Variants in YJU2B observed in about 807,000 individuals in gnomAD.
YJU2B encodes the protein YJU2 splicing factor homolog B.
In YJU2B, 18 loss-of-function variants were observed where a neutral mutation model predicts 38.0. The ratio of observed to expected loss-of-function variants is 0.47; its 90% CI spans 0.33 to 0.70. The LOEUF (loss-of-function observed/expected upper bound fraction) is 0.70. YJU2B is among the 30% of genes least tolerant of loss of function. The pLI, the probability that YJU2B is intolerant of heterozygous loss-of-function variation, is 0.02. For missense variants in YJU2B, 538 were observed against 556.3 expected, an observed-to-expected ratio of 0.97 and a Z score of 0.33; for synonymous variants, 246 against 225.4, an observed-to-expected ratio of 1.09 and a Z score of -0.82.
At chr19:13,750,349 C>G (rs767256975) in intron 1 of YJU2B, among the ~76,000 whole-genome samples, 8 of 152,110 alleles carry the variant, frequency 5.3e-5, no homozygotes, top group Non-Finnish European at 1.0e-4. Flanking sequence ...GCCTCAGTTT[C>G]CCGAGTAGCT....
intron 2 of YJU2B, among the ~76,000 whole-genome samples, chr19:13,740,201 T>TA (rs1229408974): frequency 6.6e-6 from 1 of 152,112 alleles, no homozygotes; most frequent in African/African-American, 2.4e-5. Flanking sequence ...CAAACTAACA[T>TA]AAGTTAGAAA....
intron 6 of YJU2B, 120 bp from the exon 7 acceptor site, chr19:13,758,748 G>A: frequency 8.3e-7 from 1 of 1,206,456 alleles, no homozygotes. Context: ...GGCACACAGT[G>A]GGTGCTCAGT....
intron 1 of YJU2B, among the ~76,000 whole-genome samples, chr19:13,749,113 C>G (rs1026312893): frequency 6.6e-6 from 1 of 152,232 alleles, no homozygotes; most frequent in Non-Finnish European, 1.5e-5. Flanking sequence ...AAGCGATTCT[C>G]CTGCCTCAGC....
At chr19:13,737,102 A>C (rs1296859680) in intron 2 of YJU2B, among the ~76,000 whole-genome samples, 1 of 151,772 alleles carries the variant, frequency 6.6e-6, no homozygotes, top group African/African-American at 2.4e-5. Flanking sequence ...GTCATAGCTC[A>C]CTGCAGCCTC....
At chr19:13,750,471 C>G (rs538664214) in intron 1 of YJU2B, among the ~76,000 whole-genome samples, 16 of 152,238 alleles carry the variant, frequency 1.1e-4, no homozygotes, top group African/African-American at 3.6e-4. Flanking sequence ...AGGGGATCCA[C>G]CTGCTTCAGC....
At chr19:13,735,823 C>T (rs147353975) in intron 2 of YJU2B, among the ~76,000 whole-genome samples, 19 of 152,074 alleles carry the variant, frequency 1.2e-4, no homozygotes, top group Admixed American at 3.3e-4. Flanking sequence ...GAAGCCAAGG[C>T]GGGCGGATCA....
upstream of YJU2B, among the ~76,000 whole-genome samples, chr19:13,747,494 G>C (rs10406987): frequency 7.7e-3 from 1,173 of 152,262 alleles, 15 homozygotes; most frequent in African/African-American, 0.027. Flanking sequence ...TCTTGAGACG[G>C]AGTCTTGCTG....
At position 13,762,997 on chromosome 19, in the gene YJU2B, C is replaced by T. The variant is rs746872128; in HGVS notation, c.1120C>T (p.Pro374Ser). Reference protein sequence around the residue: ...AGSSQEAADTPDTRHPCSLGS... With the variant: ...AGSSQEAADTSDTRHPCSLGS... Reference sequence around the variant, plus strand: ...CTCCTCCCAGGAGGCAGCTGACACCCCCGACACGCGGCACCCCTGCAGTCT... The same window carrying T: ...CTCCTCCCAGGAGGCAGCTGACACCTCCGACACGCGGCACCCCTGCAGTCT... Residue 374 changes from proline (P) to serine (S), a missense_variant, in exon 10 of 10, where the codon CCC (proline) becomes TCC (serine). Coordinates refer to ENST00000221554, the MANE Select transcript of YJU2B (RefSeq NM_030818.4). The T allele has an allele frequency of 5.6e-6, 9 of 1,606,524 alleles. No individual in the cohort carries two copies. The highest frequency in any genetic ancestry group is 6.8e-6 in the Non-Finnish European group (8 of 1,176,402).
upstream of YJU2B, among the ~76,000 whole-genome samples, chr19:13,745,747 AT>A (rs1973230466): frequency 7.0e-6 from 1 of 143,194 alleles, no homozygotes; most frequent in African/African-American, 2.7e-5. Flanking sequence ...ATATATAGAT[AT>A]ATATATATAT....
chr19:13,752,780 G>A (rs1008080105), intron 2 of YJU2B, among the ~76,000 whole-genome samples: 6 of 152,036 alleles, frequency 3.9e-5, no homozygotes, highest in South Asian at 4.1e-4. Context: ...GGATGTGGTA[G>A]CACATTCCTG....
chr19:13,749,650 T>TTGG (rs1973380948), intron 1 of YJU2B, among the ~76,000 whole-genome samples: 1 of 150,108 alleles, frequency 6.7e-6, no homozygotes, highest in African/African-American at 2.5e-5. Flanking sequence ...TTTTTTTTTT[T>TTGG]GAGATGGAGT....
At chr19:13,761,457 A>G (rs1973884011) in intron 8 of YJU2B, 1 of 152,374 alleles carries the variant, frequency 6.6e-6, no homozygotes, top group Non-Finnish European at 1.5e-5. Context: ...CCTGTCCTGC[A>G]TTTTTTTTCT....
At chr19:13,750,534 G>A (rs961087976) in intron 1 of YJU2B, among the ~76,000 whole-genome samples, 1 of 151,936 alleles carries the variant, frequency 6.6e-6, no homozygotes, top group East Asian at 1.9e-4. Context: ...GCCGGATGAG[G>A]TCTTTGATGG....
Position 13,757,862 on chromosome 19 carries a change from T to A in YJU2B, c.257+16T>A, listed in dbSNP as rs776652902. On this transcript the variant is annotated intron_variant, in intron 6 of 9. Coordinates refer to ENST00000221554, the MANE Select transcript of YJU2B (RefSeq NM_030818.4). The stretch of plus-strand genomic sequence containing the variant: ...CGATCTACAGGTAAGGGCGGCTTGG[T>A]GGCATCTTGGGAACAGGTGGGGTGG... 3.8e-5 allele frequency: 62 copies of A among 1,612,258 alleles called. No homozygotes were observed. Among genetic ancestry groups the A allele is most frequent in the Non-Finnish European group, 5.2e-5 (61 of 1,178,648 alleles).
At position 13,762,413 on chromosome 19, in the gene YJU2B, C is replaced by G. The variant is rs1323330527; in HGVS notation, c.688C>G (p.Leu230Val). 1 of 1,613,234 alleles carries G rather than the reference C, an allele frequency of 6.2e-7. No individual in the cohort carries two copies. The highest frequency in any genetic ancestry group is 1.3e-5 in the African/African-American group (1 of 74,886). Residue 230 changes from leucine to valine, a missense_variant, in exon 9 of 10, where the codon CTG becomes GTG. By Grantham distance (32) the Leu-to-Val change is conservative. Around this residue, in one of 2 missense-constraint regions of YJU2B, gnomAD observed 488 missense variants for 469.5 expected, o/e 1.04. Transcript: ENST00000221554. ...ETEDDRKLAA[L>V]LKFHTLDSYE... ...GGAAGATGACCGCAAGCTGGCGGCT[C>G]TGCTGAAGTTCCACACCCTGGACTG... is the stretch of plus-strand genomic sequence containing the variant.
chr19:13,750,689 G>T (rs938604692), intron 1 of YJU2B, among the ~76,000 whole-genome samples: 8 of 151,818 alleles, frequency 5.3e-5, no homozygotes, highest in African/African-American at 1.5e-4. Context: ...GTGAAACCCT[G>T]TCTCTACTAA....
intron 2 of YJU2B, among the ~76,000 whole-genome samples, chr19:13,753,501 G>C (rs1973547754): frequency 6.6e-6 from 1 of 150,376 alleles, no homozygotes; most frequent in African/African-American, 2.4e-5. Context: ...TTGAATCCGG[G>C]AGGCGGAGGT....
chr19:13,756,393 G>A (rs1973669965), intron 4 of YJU2B, 114 bp downstream of exon 4: 2 of 771,038 alleles, frequency 2.6e-6, no homozygotes, highest in African/African-American at 3.4e-5. Flanking sequence ...CCATAAAGCA[G>A]AAAGTCACCG....
rs73507655 is a variant in YJU2B, at chr19:13,762,213, C to T, written c.574-86C>T. On this transcript the variant is annotated intron_variant, in intron 8 of 9. Coordinates refer to ENST00000221554, the MANE Select transcript of YJU2B (RefSeq NM_030818.4). ...GTCTCAAAAAGAGTAAATGAGACCC[C>T]GAGAGTTGGAGCAGTGCCCCCTAGT... is the stretch of plus-strand genomic sequence containing the variant. 7.0e-4 allele frequency: 1,026 copies of T among 1,470,486 alleles called. 5 individuals carry two copies. The African/African-American group carries it at 0.013, about 19-fold the overall frequency. 91.1% of individuals were successfully genotyped at this position (1,470,486 alleles called of 1,614,324 possible). A position where few individuals can be genotyped will look rare whatever the true frequency, so the allele number is the denominator to read the frequency against.
Sources: gnomAD v4.1 joint callset for allele counts (sites outside exome capture counted in the v4.1 genomes callset) on GRCh38, gnomAD v4.1.1 for gene constraint, gnomAD v4.1.1 regional missense constraint, MANE v1.5 for transcripts, NCBI Gene and HGNC (gene_info 2026-07-23, HGNC 2026-07-21) for gene names.